DAPK2: variants seen among roughly 807,000 people sequenced by gnomAD.
DAPK2 encodes the protein death associated protein kinase 2.
DAPK2 carries 35 observed loss-of-function variants against 44.1 expected under a neutral mutation model. The ratio of observed to expected loss-of-function variants is 0.79; its 90% CI spans 0.61 to 1.05. The LOEUF is 1.05. Among genes scored for constraint, DAPK2 ranks in the 50% least tolerant of loss-of-function variants. The pLI is 0.00. For synonymous variants in DAPK2, 174 were observed against 182.6 expected (o/e 0.95, Z 0.38); for missense variants, 453 against 483.2 (o/e 0.94, Z 0.59).
intron 1 of DAPK2, among the ~76,000 whole-genome samples, chr15:64,001,241 G>T (rs893725027): frequency 1.3e-4 from 19 of 151,486 alleles, no homozygotes; most frequent in Admixed American, 9.9e-4. Flanking sequence ...GTCTGCACTG[G>T]ATTCTGCTGT....
chr15:63,999,750 C>T (rs1274745672), intron 1 of DAPK2, among the ~76,000 whole-genome samples: 1 of 151,812 alleles, frequency 6.6e-6, no homozygotes, highest in Non-Finnish European at 1.5e-5. Flanking sequence ...TTTAAGAATG[C>T]TTTTTTCCCT....
At chr15:64,029,772 C>T (rs1484831605) in intron 1 of DAPK2, 1 of 152,388 alleles carries the variant, frequency 6.6e-6, no homozygotes. Context: ...CACACACATC[C>T]ACACACACCC....
intron 6 of DAPK2, among the ~76,000 whole-genome samples, chr15:63,927,717 A>T (rs1001158101): frequency 7.3e-5 from 11 of 150,602 alleles, no homozygotes; most frequent in African/African-American, 2.7e-4. Context: ...CAAGAAGACT[A>T]TGTGCTCAGT....
chr15:63,990,346 T>G lies in DAPK2; in HGVS notation c.93-6592A>C, dbSNP rs981151609. Among the ~76,000 whole-genome samples the G allele has an allele frequency of 6.6e-6, 1 of 151,958 alleles. No homozygotes were observed. Among genetic ancestry groups the G allele is most frequent in the Admixed American group, 6.6e-5 (1 of 15,234 alleles). ...CGAAGGGTGAAGCACAATAATTGTT[T>G]GAACCTGGGAGGTGGAGGTTGCAGT... On this transcript the variant is annotated intron_variant, in intron 1 of 10. Transcript: ENST00000261891. This position sits in a 1 kb window ranked among gnomAD's most constrained non-coding sequence, Gnocchi z 4.3.
At position 64,014,321 on chromosome 15, in the gene DAPK2, C is replaced by T. The variant is rs372728520; in HGVS notation, c.92+25849G>A. ...CTTATCAGACATGAGCCTTCAGAGACCTGAGAGCTGTTGGGACAATCACAC... is the reference window on the plus strand; with the variant it reads ...CTTATCAGACATGAGCCTTCAGAGATCTGAGAGCTGTTGGGACAATCACAC... On this transcript the variant is annotated intron_variant, in intron 1 of 10. Transcript: ENST00000261891. 8.5e-5 allele frequency among the ~76,000 whole-genome samples: 13 copies of T among 152,230 alleles called. No homozygotes were observed. The East Asian group carries it at 2.5e-3, about 29-fold the overall frequency.
At chr15:64,014,470 A>T (rs1484179999) in intron 1 of DAPK2, among the ~76,000 whole-genome samples, 1 of 152,260 alleles carries the variant, frequency 6.6e-6, no homozygotes, top group African/African-American at 2.4e-5. Flanking sequence ...ATTTAGGAAC[A>T]GAGAGGAGAC....
At chr15:63,922,854 G>C in intron 8 of DAPK2, 1 of 1,535,810 alleles carries the variant, frequency 6.5e-7, no homozygotes, top group South Asian at 1.2e-5. Flanking sequence ...CCACTCTCCA[G>C]CTGGAAGCTG....
At chr15:63,956,550 A>C (rs1461764735) in intron 3 of DAPK2, among the ~76,000 whole-genome samples, 3 of 150,478 alleles carry the variant, frequency 2.0e-5, no homozygotes, top group African/African-American at 7.3e-5. Flanking sequence ...GTTTTTTTCC[A>C]TTGTGGTCAG....
chr15:63,996,913 T>G (rs2078965444), intron 1 of DAPK2, among the ~76,000 whole-genome samples: 1 of 152,092 alleles, frequency 6.6e-6, no homozygotes, highest in Admixed American at 6.6e-5. Context: ...GGTGGCCTAT[T>G]CCCTCATCCC....
At chr15:63,954,409 CT>C (rs1024185345) in intron 3 of DAPK2, among the ~76,000 whole-genome samples, 4 of 152,074 alleles carry the variant, frequency 2.6e-5, no homozygotes, top group Admixed American at 2.0e-4. Context: ...AGAGACTGTC[CT>C]TTCCCCAGTT....
intron 8 of DAPK2, among the ~76,000 whole-genome samples, chr15:63,914,134 G>A (rs1225254708): frequency 1.3e-5 from 2 of 152,072 alleles, no homozygotes; most frequent in African/African-American, 2.4e-5. Context: ...AGGTCACCTG[G>A]TCAGCCCAGT....
intron 1 of DAPK2, among the ~76,000 whole-genome samples, chr15:64,005,535 T>A (rs1436223011): frequency 6.6e-6 from 1 of 152,014 alleles, no homozygotes; most frequent in African/African-American, 2.4e-5. Flanking sequence ...GACAGCCATG[T>A]GCCCTCCCAA....
At chr15:63,983,313 C>T (rs1406765169) in intron 2 of DAPK2, among the ~76,000 whole-genome samples, 3 of 152,234 alleles carry the variant, frequency 2.0e-5, no homozygotes, top group African/African-American at 7.2e-5. Context: ...TGCTATTCAG[C>T]AAGCTTGCCC....
At chr15:63,967,902 G>A (rs1482502168) in intron 3 of DAPK2, among the ~76,000 whole-genome samples, 1 of 152,158 alleles carries the variant, frequency 6.6e-6, no homozygotes, top group Admixed American at 6.5e-5. Context: ...TGGAAGGTGT[G>A]CATAGAGAAC....
At chr15:63,981,494 T>C (rs911586104) in intron 2 of DAPK2, among the ~76,000 whole-genome samples, 1 of 152,192 alleles carries the variant, frequency 6.6e-6, no homozygotes, top group East Asian at 1.9e-4. Flanking sequence ...AAAGCCAATT[T>C]TTAGAATTAT....
At chr15:63,924,324 G>A (rs2079176418) in intron 8 of DAPK2, among the ~76,000 whole-genome samples, 1 of 152,162 alleles carries the variant, frequency 6.6e-6, no homozygotes, top group Non-Finnish European at 1.5e-5. Context: ...TTCCCCACCA[G>A]GCCTCTGTCT....
chr15:63,976,112 T>C (rs2078339123), intron 2 of DAPK2, among the ~76,000 whole-genome samples: 1 of 152,186 alleles, frequency 6.6e-6, no homozygotes, highest in Non-Finnish European at 1.5e-5. Flanking sequence ...GCAACACCTA[T>C]GATATGCTGT....
intron 2 of DAPK2, among the ~76,000 whole-genome samples, chr15:63,982,187 CTT>C (rs5813271): frequency 2.8e-5 from 3 of 107,872 alleles, no homozygotes; most frequent in Non-Finnish European, 1.8e-5. Context: ...TCAGAATATT[CTT>C]TTTTTTTTTT....
At chr15:63,989,627 G>A (rs1023801745) in intron 1 of DAPK2, among the ~76,000 whole-genome samples, 11 of 152,114 alleles carry the variant, frequency 7.2e-5, no homozygotes, top group African/African-American at 2.2e-4. Context: ...ATTTTTACTC[G>A]ATTTTATTAT....
Sources: gnomAD v4.1 joint callset for allele counts (sites outside exome capture counted in the v4.1 genomes callset) on GRCh38, gnomAD v4.1.1 for gene constraint, Gnocchi (gnomAD v3.1) non-coding constraint, MANE v1.5 for transcripts, NCBI Gene and HGNC (gene_info 2026-07-23, HGNC 2026-07-21) for gene names.